STK24: variants seen among roughly 807,000 people sequenced by gnomAD.
STK24 encodes serine/threonine kinase 24.
STK24 carries 21 observed loss-of-function variants against 55.6 expected under a neutral mutation model. The ratio of observed to expected loss-of-function variants is 0.38; its 90% confidence interval spans 0.27 to 0.54. The LOEUF (loss-of-function observed/expected upper bound fraction) is 0.54. Ranked by LOEUF, STK24 falls within the 20% of genes least tolerant of loss-of-function variation. The pLI, the probability that STK24 is intolerant of heterozygous loss-of-function variation, is 0.79. For missense variants in STK24, 383 were observed against 538.4 expected (o/e 0.71, Z 2.86); for synonymous variants, 200 against 215.2 (o/e 0.93, Z 0.62).
chr13:98,538,222 C>CTTTTTTTTTTTTTTTT (rs55720452), intron 1 of STK24, among the ~76,000 whole-genome samples: 1 of 91,610 alleles, frequency 1.1e-5, no homozygotes, highest in Non-Finnish European at 2.0e-5. Context: ...TTGGTGCTTG[C>CTTTTTTTTTTTTTTTT]TTTTTTTTTT....
chr13:98,556,729 T>C (rs1189485494), intron 1 of STK24, among the ~76,000 whole-genome samples: 2 of 152,182 alleles, frequency 1.3e-5, no homozygotes. Context: ...TACCCGATTT[T>C]TGCAGGTGCA....
chr13:98,533,319 A>G (rs1896629454), intron 1 of STK24, among the ~76,000 whole-genome samples: 1 of 152,242 alleles, frequency 6.6e-6, no homozygotes, highest in South Asian at 2.1e-4. Context: ...AAATTGCACC[A>G]CTGCACTCCA....
At chr13:98,542,925 G>GGTGTATTTGTGGAGACGATGGGACGGA in intron 1 of STK24, 1 of 985,390 alleles carries the variant, frequency 1.0e-6, no homozygotes, top group African/African-American at 1.7e-5. Flanking sequence ...GACAGGAACG[G>GGTGTATTTGTGGAGACGATGGGACGGA]GTGTATTTGT....
Position 98,466,368 on chromosome 13 carries a change from A to C in STK24, c.783+8T>G, listed in dbSNP as rs755566806. On this transcript the variant is annotated splice_region_variant and intron_variant, in intron 6 of 10. Transcript: ENST00000539966. Reference sequence around the variant, plus strand: ...GAAGAGGTACGCTGTGATCCCTGGGAAACTTACAAAGCTCGGCTCCTTATT... The same window carrying C: ...GAAGAGGTACGCTGTGATCCCTGGGCAACTTACAAAGCTCGGCTCCTTATT... 1.2e-6 allele frequency: 2 copies of C among 1,611,710 alleles called. No individual in the cohort carries two copies. The highest frequency in any genetic ancestry group is 2.2e-5 in the South Asian group (2 of 90,970).
At chr13:98,511,458 C>G (rs1895875253) in intron 2 of STK24, among the ~76,000 whole-genome samples, 1 of 152,160 alleles carries the variant, frequency 6.6e-6, no homozygotes, top group African/African-American at 2.4e-5. Flanking sequence ...AGTATTTGCT[C>G]TAGAAAAATG....
chr13:98,449,660 G>GTGTT lies in STK24; in HGVS notation c.*3509_*3512dup, dbSNP rs1201656986. On this transcript the variant is annotated 3_prime_UTR_variant, in exon 11 of 11. Coordinates refer to ENST00000539966, the MANE Select transcript of STK24 (RefSeq NM_001032296.4). ...TGCAAACGGACGAAGAGCCTGCCGT[G>GTGTT]TGTTAATCATTTGCCTTACAAGATG... The GTGTT allele has an allele frequency of 1.3e-5, 2 of 152,570 alleles. No homozygotes were observed. The highest frequency in any genetic ancestry group is 1.9e-4 in the East Asian group (1 of 5,190). The allele number at this position is 152,570 out of a possible 1,614,324, so 9.5% of individuals were successfully genotyped here.
At chr13:98,544,307 A>G (rs1337519399) in intron 1 of STK24, among the ~76,000 whole-genome samples, 2 of 152,178 alleles carry the variant, frequency 1.3e-5, no homozygotes, top group African/African-American at 4.8e-5. Context: ...CCGTGGCCCA[A>G]CTGCAGACAC....
intron 1 of STK24, among the ~76,000 whole-genome samples, chr13:98,572,207 C>T (rs115911065): frequency 0.058 from 8,819 of 152,226 alleles, 534 homozygotes; most frequent in African/African-American, 0.15. Context: ...AGGCTCTGAA[C>T]TCTGCCTCCA....
At chr13:98,513,324 T>C (rs1895948836) in intron 2 of STK24, among the ~76,000 whole-genome samples, 1 of 152,220 alleles carries the variant, frequency 6.6e-6, no homozygotes, top group South Asian at 2.1e-4. Flanking sequence ...ACCTATTTTC[T>C]GGGACAAAAG....
chr13:98,461,369 A>G (rs1315097054), intron 8 of STK24, among the ~76,000 whole-genome samples: 2 of 152,254 alleles, frequency 1.3e-5, no homozygotes, highest in Non-Finnish European at 2.9e-5. Flanking sequence ...AAATATCAAA[A>G]GCAATGCATT....
intron 10 of STK24, 143 bp downstream of exon 10, chr13:98,457,025 C>T: frequency 1.0e-6 from 1 of 997,260 alleles, no homozygotes; most frequent in South Asian, 1.8e-5. Flanking sequence ...ACAAAGTCTC[C>T]TCTAATTCAA....
chr13:98,533,079 A>G (rs770097924), intron 1 of STK24, among the ~76,000 whole-genome samples: 10 of 152,260 alleles, frequency 6.6e-5, no homozygotes, highest in Non-Finnish European at 1.5e-4. Flanking sequence ...CTAGGTCTAC[A>G]CAATCAATTA....
At chr13:98,566,915 A>C (rs1233715237) in intron 1 of STK24, among the ~76,000 whole-genome samples, 3 of 152,240 alleles carry the variant, frequency 2.0e-5, no homozygotes, top group Admixed American at 2.0e-4. Context: ...TTCAAGTGGC[A>C]GTTTAATAAC....
At chr13:98,517,554 C>T (rs1271384336) in intron 2 of STK24, among the ~76,000 whole-genome samples, 2 of 152,074 alleles carry the variant, frequency 1.3e-5, no homozygotes, top group African/African-American at 2.4e-5. Context: ...CGCTTGAACC[C>T]GGGAGGCGGA....
chr13:98,526,842 T>C (rs1474138893), intron 1 of STK24, among the ~76,000 whole-genome samples: 1 of 152,108 alleles, frequency 6.6e-6, no homozygotes, highest in Non-Finnish European at 1.5e-5. Flanking sequence ...TCATGGCCCA[T>C]CCCAGTAGTG....
At chr13:98,538,193 G>A (rs968142837) in intron 1 of STK24, among the ~76,000 whole-genome samples, 6 of 104,238 alleles carry the variant, frequency 5.8e-5, no homozygotes, top group Non-Finnish European at 8.6e-5. Flanking sequence ...ATTCTCCATC[G>A]GCTAGGTCAA....
chr13:98,474,739 G>T (rs1326896271), intron 5 of STK24, 82 bp downstream of exon 5: 1 of 1,505,880 alleles, frequency 6.6e-7, no homozygotes, highest in Non-Finnish European at 8.9e-7. Context: ...TTCCAACTTA[G>T]AAAAGCTACC....
chr13:98,483,595 C>T (rs1894689087), intron 2 of STK24, among the ~76,000 whole-genome samples: 1 of 152,200 alleles, frequency 6.6e-6, no homozygotes, highest in African/African-American at 2.4e-5. Flanking sequence ...TTCCGCAAGT[C>T]AGGAAAATGC....
intron 1 of STK24, among the ~76,000 whole-genome samples, chr13:98,520,882 G>A (rs1392427368): frequency 3.3e-5 from 5 of 152,228 alleles, no homozygotes; most frequent in Admixed American, 6.5e-5. Flanking sequence ...ACACAGGGGC[G>A]CAGAGCCCCT....
Sources: allele counts gnomAD v4.1 joint callset (sites outside exome capture counted in the v4.1 genomes callset), GRCh38; gene constraint gnomAD v4.1.1; transcripts MANE v1.5; gene names NCBI Gene and HGNC (gene_info 2026-07-23, HGNC 2026-07-21).